KLF17: variants seen among roughly 807,000 people sequenced by gnomAD.
KLF17 encodes the protein KLF transcription factor 17.
KLF17 carries 31 observed loss-of-function variants against 34.2 expected under a neutral mutation model. The ratio of observed to expected loss-of-function variants is 0.91; its 90% confidence interval spans 0.68 to 1.22. KLF17 has a LOEUF of 1.22. Ranked by LOEUF, KLF17 falls within the 50% of genes most tolerant of loss-of-function variation. The pLI is 0.00. For missense variants in KLF17, 478 were observed against 505.2 expected (o/e 0.95, Z 0.52); for synonymous variants, 179 against 186.7 (o/e 0.96, Z 0.34).
At chr1:44,104,628 C>G in the KLF17 span, 1 of 530,122 alleles carries the variant, frequency 1.9e-6, no homozygotes, top group Non-Finnish European at 3.5e-6. Flanking sequence ...CCCAGGCCAG[C>G]CCAGAAGCTG....
the KLF17 span, among the ~76,000 whole-genome samples, chr1:44,079,274 G>T: frequency 6.7e-6 from 1 of 149,980 alleles, no homozygotes; most frequent in African/African-American, 2.5e-5. Context: ...TTAACCCCTT[G>T]TGACTAGTTA....
chr1:44,127,709 T>TTTC (rs2088040421), intron 1 of KLF17, among the ~76,000 whole-genome samples: 1 of 129,648 alleles, frequency 7.7e-6, no homozygotes, highest in Non-Finnish European at 1.5e-5. Context: ...TCTTTCTTTC[T>TTTC]TTCTTCTCTT....
the KLF17 span, among the ~76,000 whole-genome samples, chr1:44,094,168 T>C: frequency 1.0e-3 from 154 of 147,020 alleles, 1 homozygote; most frequent in East Asian, 0.03. Context: ...TCAAATCTTT[T>C]GCCCATTTTA....
At position 44,129,630 on chromosome 1, in the gene KLF17, C is replaced by A. The variant is rs1336623249; in HGVS notation, c.359C>A (p.Pro120His). ...RMIYCQRMSP[P>H]QQEMTIFSGP... ...ATTTACTGTCAGAGAATGTCTCCCC[C>A]TCAGCAAGAGATGACGATTTTCAGT... is the stretch of plus-strand genomic sequence containing the variant. The change falls in exon 2 of 4, where the codon CCT (proline) becomes CAT (histidine). Residue 120 changes from proline (P) to histidine (H), a missense_variant. Physicochemically the swap from Pro to His is moderately conservative, Grantham distance 77 (BLOSUM62 -2). Coordinates refer to ENST00000372299, the MANE Select transcript of KLF17 (RefSeq NM_173484.4). 2 of 1,614,064 alleles carry A rather than the reference C, an allele frequency of 1.2e-6. No individual in the cohort carries two copies. Among genetic ancestry groups the A allele is most frequent in the African/African-American group, 2.7e-5 (2 of 74,922 alleles).
At chr1:44,058,579 G>A in the KLF17 span, among the ~76,000 whole-genome samples, 1 of 150,912 alleles carries the variant, frequency 6.6e-6, no homozygotes, top group Non-Finnish European at 1.5e-5. Flanking sequence ...GTGAGCCACC[G>A]TGCCCAGCCT....
At chr1:44,076,984 C>G in the KLF17 span, among the ~76,000 whole-genome samples, 220 of 149,852 alleles carry the variant, frequency 1.5e-3, no homozygotes, top group Non-Finnish European at 2.6e-3. Flanking sequence ...GATCCTCCTA[C>G]TCAGCCTCCC....
At chr1:44,113,261 T>C in the KLF17 span, among the ~76,000 whole-genome samples, 9 of 152,166 alleles carry the variant, frequency 5.9e-5, no homozygotes, top group African/African-American at 2.2e-4. Context: ...TGGTGAAATT[T>C]GCAAACCATT....
intron 1 of KLF17, among the ~76,000 whole-genome samples, chr1:44,119,223 A>G (rs1207462691): frequency 6.6e-6 from 1 of 151,046 alleles, no homozygotes; most frequent in African/African-American, 2.4e-5. Flanking sequence ...AGGGATTGGA[A>G]AGGGAGGGTT....
At position 44,130,720 on chromosome 1, in the gene KLF17, T is replaced by C. The variant is rs111845402; in HGVS notation, c.1134T>C (p.Asn378=). Residue 378 remains asparagine (N), a synonymous_variant, in exon 3 of 4, where the codon AAT becomes AAC. Coordinates refer to ENST00000372299, the MANE Select transcript of KLF17 (RefSeq NM_173484.4). ...CAGACCCACAGGCCAACAACAACAA[T>C]GGAGAGCAGGACAGTCCTCCTGCTG... ...GPSDPQANNN[N]GEQDSPPAAG... 4.6e-5 allele frequency: 74 copies of C among 1,601,200 alleles called. 2 individuals are homozygous for C. In the African/African-American group the frequency reaches 5.1e-4, roughly 11 times the overall value.
Position 44,127,678 on chromosome 1 carries a change from C to CT in KLF17, c.82-1672dup, listed in dbSNP as rs1164068033. 4.9e-3 allele frequency among the ~76,000 whole-genome samples: 190 copies of CT among 38,826 alleles called. 2 individuals are homozygous for CT. The highest frequency in any genetic ancestry group is 0.013 in the African/African-American group (176 of 13,672). 25.5% of individuals were successfully genotyped at this position (38,826 alleles called of 152,430 possible). ...TCTTTCTTTCTTTCTTTCTTTCTTTCTTTCTTTCTTTCTTTTTCTTTCTTT... is the reference window on the plus strand; with the variant it reads ...TCTTTCTTTCTTTCTTTCTTTCTTTCTTTTCTTTCTTTCTTTTTCTTTCTTT... On this transcript the variant is annotated intron_variant, in intron 1 of 3. Coordinates refer to ENST00000372299, the MANE Select transcript of KLF17 (RefSeq NM_173484.4).
chr1:44,084,695 AG>A, the KLF17 span, among the ~76,000 whole-genome samples: 4 of 138,078 alleles, frequency 2.9e-5, no homozygotes, highest in Non-Finnish European at 4.7e-5. Flanking sequence ...AAAAAAAAAA[AG>A]TTTTTGATTG....
At chr1:44,067,960 C>T in the KLF17 span, among the ~76,000 whole-genome samples, 1 of 152,092 alleles carries the variant, frequency 6.6e-6, no homozygotes, top group Non-Finnish European at 1.5e-5. Context: ...GAGCCTCAGG[C>T]AGCACTGACC....
chr1:44,104,913 C>G, the KLF17 span: 1 of 155,848 alleles, frequency 6.4e-6, no homozygotes, highest in African/African-American at 2.4e-5. Flanking sequence ...AAAACAAAAC[C>G]TAGGCAGCAT....
chr1:44,092,510 T>C, the KLF17 span, among the ~76,000 whole-genome samples: 1 of 152,198 alleles, frequency 6.6e-6, no homozygotes, highest in Non-Finnish European at 1.5e-5. Flanking sequence ...TGAACATTTC[T>C]ACATTTCCCC....
the KLF17 span, among the ~76,000 whole-genome samples, chr1:44,084,416 G>A: frequency 4.6e-5 from 7 of 152,030 alleles, no homozygotes; most frequent in Non-Finnish European, 1.0e-4. Flanking sequence ...AGTTGCTCAC[G>A]CCTATAATCC....
At chr1:44,108,660 CTTTTTT>C in the KLF17 span, among the ~76,000 whole-genome samples, 969 of 75,358 alleles carry the variant, frequency 0.013, 19 homozygotes, top group African/African-American at 0.05. Flanking sequence ...TTTGTTAGCT[CTTTTTT>C]TTTTTTTTTT....
At chr1:44,053,461 G>T in the KLF17 span, among the ~76,000 whole-genome samples, 3 of 152,218 alleles carry the variant, frequency 2.0e-5, no homozygotes, top group South Asian at 2.1e-4. Context: ...CTAGTTCTGG[G>T]GGGGGAGGAC....
At chr1:44,132,882 A>T (rs1483090029) in intron 3 of KLF17, among the ~76,000 whole-genome samples, 1 of 152,102 alleles carries the variant, frequency 6.6e-6, no homozygotes, top group African/African-American at 2.4e-5. Context: ...AGGCTGTTTT[A>T]CTCCAGGAAA....
upstream of KLF17, chr1:44,115,598 T>A (rs1312029607): frequency 6.6e-6 from 1 of 152,198 alleles, no homozygotes; most frequent in Non-Finnish European, 1.5e-5. Context: ...AATAAAAATT[T>A]ACCTTTGAAA....
Sources: allele counts gnomAD v4.1 joint callset (sites outside exome capture counted in the v4.1 genomes callset), GRCh38; gene constraint gnomAD v4.1.1; transcripts MANE v1.5; gene names NCBI Gene and HGNC (gene_info 2026-07-23, HGNC 2026-07-21).